Variants in GPC5 observed in about 807,000 individuals in gnomAD.
GPC5 encodes the protein glypican-5.
In GPC5, 47 loss-of-function variants were observed where a neutral mutation model predicts 53.9. The observed-to-expected ratio is 0.87, with a 90% CI of 0.69 to 1.11. GPC5 has a LOEUF of 1.11. Ranked by LOEUF, GPC5 falls within the 50% of genes most tolerant of loss-of-function variation. GPC5 has a pLI of 0.00. For synonymous variants in GPC5, 286 were observed against 263.3 expected (o/e 1.09, Z -0.84); for missense variants, 748 against 713.1 (o/e 1.05, Z -0.56).
intron 7 of GPC5, among the ~76,000 whole-genome samples, chr13:92,455,323 T>C (rs1200819527): frequency 6.6e-6 from 1 of 152,106 alleles, no homozygotes; most frequent in Non-Finnish European, 1.5e-5. Flanking sequence ...GATAGAAATA[T>C]CCAGAGGTGA....
chr13:92,831,684 AGATGTCT>A (rs1474379884), intron 7 of GPC5, among the ~76,000 whole-genome samples: 1 of 152,172 alleles, frequency 6.6e-6, no homozygotes, highest in African/African-American at 2.4e-5. Context: ...AAGCCCACAA[AGATGTCT>A]GACTTCAGGT....
intron 7 of GPC5, among the ~76,000 whole-genome samples, chr13:92,593,395 T>C (rs938687911): frequency 3.3e-5 from 5 of 151,008 alleles, no homozygotes; most frequent in East Asian, 1.9e-4. Context: ...ATAAGGAAGA[T>C]TGGAGGTTGA....
At chr13:92,066,380 A>C (rs971974440) in intron 6 of GPC5, among the ~76,000 whole-genome samples, 2 of 151,708 alleles carry the variant, frequency 1.3e-5, no homozygotes, top group African/African-American at 4.8e-5. Flanking sequence ...TTAGGAAAGG[A>C]AGTAGATGAT....
intron 7 of GPC5, among the ~76,000 whole-genome samples, chr13:92,611,403 T>G (rs569895831): frequency 6.6e-6 from 1 of 152,296 alleles, no homozygotes; most frequent in East Asian, 1.9e-4. Flanking sequence ...AGATTCCACT[T>G]GACAACCAAT....
At chr13:92,696,314 C>T (rs1351845608) in intron 7 of GPC5, among the ~76,000 whole-genome samples, 1 of 152,132 alleles carries the variant, frequency 6.6e-6, no homozygotes, top group African/African-American at 2.4e-5. Context: ...CTCCCACTAA[C>T]AGTGTAAAAG....
chr13:92,292,138 G>A (rs7997855), intron 7 of GPC5, among the ~76,000 whole-genome samples: 65,192 of 152,112 alleles, frequency 0.43, 15,196 homozygotes, highest in African/African-American at 0.62. Context: ...TTGTGCTGCT[G>A]TAAACATGCA....
intron 6 of GPC5, among the ~76,000 whole-genome samples, chr13:91,973,389 T>C (rs1350134651): frequency 1.3e-5 from 2 of 152,208 alleles, no homozygotes; most frequent in Admixed American, 6.5e-5. Flanking sequence ...TCAAAGTTTC[T>C]AACTTCTTTG....
chr13:92,267,747 C>T (rs2139150666), intron 7 of GPC5, among the ~76,000 whole-genome samples: 1 of 152,152 alleles, frequency 6.6e-6, no homozygotes, highest in African/African-American at 2.4e-5. Context: ...TACATTCACA[C>T]TTGTTCATTT....
intron 1 of GPC5, among the ~76,000 whole-genome samples, chr13:91,427,326 T>C (rs1316655689): frequency 6.6e-6 from 1 of 152,190 alleles, no homozygotes; most frequent in Non-Finnish European, 1.5e-5. Context: ...TTGCACCCTG[T>C]GAAGCCACAG....
At chr13:91,992,835 G>T (rs545999255) in intron 6 of GPC5, among the ~76,000 whole-genome samples, 3 of 152,206 alleles carry the variant, frequency 2.0e-5, no homozygotes, top group African/African-American at 7.2e-5. Flanking sequence ...CTTGTTCAAT[G>T]GTAACTACAG....
intron 2 of GPC5, among the ~76,000 whole-genome samples, chr13:91,579,624 C>CTTTTTTTTTTTTTTTT (rs3055895): frequency 3.0e-4 from 31 of 102,592 alleles, no homozygotes; most frequent in East Asian, 1.2e-3. Context: ...TTTTCTTTTT[C>CTTTTTTTTTTTTTTTT]TTTTTTTTTT....
chr13:91,795,157 G>T (rs1356726501), intron 5 of GPC5, among the ~76,000 whole-genome samples: 1 of 152,114 alleles, frequency 6.6e-6, no homozygotes, highest in Non-Finnish European at 1.5e-5. Flanking sequence ...GTGTTTTTAT[G>T]ATCACAAAAC....
intron 7 of GPC5, among the ~76,000 whole-genome samples, chr13:92,251,209 T>A (rs1025460964): frequency 2.0e-5 from 3 of 152,044 alleles, no homozygotes; most frequent in Non-Finnish European, 2.9e-5. Flanking sequence ...AATACTGAAG[T>A]CAACAGGCTG....
chr13:91,459,766 G>A (rs1594117240), intron 2 of GPC5, among the ~76,000 whole-genome samples: 1 of 152,202 alleles, frequency 6.6e-6, no homozygotes, highest in East Asian at 1.9e-4. Flanking sequence ...GAGATTTCCA[G>A]TGTCCCTCTA....
chr13:91,460,296 G>A (rs1566419088), intron 2 of GPC5, among the ~76,000 whole-genome samples: 1 of 149,492 alleles, frequency 6.7e-6, no homozygotes, highest in Admixed American at 6.7e-5. Flanking sequence ...TCTCTTTGTT[G>A]TCTTTTTTTT....
intron 5 of GPC5, among the ~76,000 whole-genome samples, chr13:91,877,565 G>A (rs1294464856): frequency 6.6e-6 from 1 of 152,144 alleles, no homozygotes; most frequent in Admixed American, 6.5e-5. Flanking sequence ...TGGAATGGCT[G>A]TATTCACCCA....
chr13:92,019,070 AAC>A (rs1387622729), intron 6 of GPC5, among the ~76,000 whole-genome samples: 1 of 152,034 alleles, frequency 6.6e-6, no homozygotes, highest in African/African-American at 2.4e-5. Context: ...TTACATTGGA[AAC>A]ACATTAATTT....
At chr13:92,385,693 CTATATACACA>C (rs201679286) in intron 7 of GPC5, among the ~76,000 whole-genome samples, 9,645 of 134,546 alleles carry the variant, frequency 0.072, 645 homozygotes, top group African/African-American at 0.17. Context: ...ACATATATAC[CTATATACACA>C]TATATACACA....
At chr13:91,574,796 G>A (rs2032073354) in intron 2 of GPC5, among the ~76,000 whole-genome samples, 1 of 152,034 alleles carries the variant, frequency 6.6e-6, no homozygotes, top group South Asian at 2.1e-4. Flanking sequence ...TTAAGTGATT[G>A]CCTTATATCA....
Sources: allele counts gnomAD v4.1 joint callset (sites outside exome capture counted in the v4.1 genomes callset), GRCh38; gene constraint gnomAD v4.1.1; transcripts MANE v1.5; gene names NCBI Gene and HGNC (gene_info 2026-07-23, HGNC 2026-07-21).